POU2F1: variants seen among roughly 807,000 people sequenced by gnomAD.
POU2F1 encodes the protein POU domain, class 2, transcription factor 1.
POU2F1 carries 16 observed loss-of-function variants against 84.9 expected under a neutral mutation model. That is an observed-to-expected ratio of 0.19 (90% CI 0.13 to 0.29). POU2F1 has a LOEUF of 0.29. POU2F1 is among the 10% of genes least tolerant of loss of function. The pLI is 1.00. For synonymous variants in POU2F1, 368 were observed against 368.3 expected, an observed-to-expected ratio of 1.00 and a Z score of 0.01; for missense variants, 738 against 942.6, an observed-to-expected ratio of 0.78 and a Z score of 2.84.
intron 2 of POU2F1, among the ~76,000 whole-genome samples, chr1:167,362,193 C>G (rs1024772057): frequency 3.3e-5 from 5 of 152,196 alleles, no homozygotes; most frequent in African/African-American, 4.8e-5. Flanking sequence ...TCTTCTACTT[C>G]TCACCTCCCA....
chr1:167,329,014 A>T, intron 1 of POU2F1: 1 of 1,087,894 alleles, frequency 9.2e-7, no homozygotes, highest in Non-Finnish European at 1.1e-6. Context: ...TTGCCTTGAC[A>T]ATGTCAGTCC....
chr1:167,402,358 G>C (rs1649273746), intron 13 of POU2F1, among the ~76,000 whole-genome samples: 1 of 152,126 alleles, frequency 6.6e-6, no homozygotes, highest in Non-Finnish European at 1.5e-5. Context: ...CATGTTTTAA[G>C]TTTACAATGC....
intron 1 of POU2F1, among the ~76,000 whole-genome samples, chr1:167,308,777 C>G (rs1169106292): frequency 6.6e-6 from 1 of 152,182 alleles, no homozygotes; most frequent in African/African-American, 2.4e-5. Flanking sequence ...CCTAGGCCTC[C>G]TAAAGTGCTG....
At position 167,383,763 on chromosome 1, in the gene POU2F1, G is replaced by C. The variant is rs1218329866; in HGVS notation, c.719-94G>C. 9 of 1,113,158 alleles carry C rather than the reference G, an allele frequency of 8.1e-6. No individual in the cohort carries two copies. In the Admixed American group the frequency reaches 1.3e-4, roughly 16 times the overall value. The allele number at this position is 1,113,158 out of a possible 1,614,324, so 69.0% of individuals were successfully genotyped here. On this transcript the variant is annotated intron_variant, in intron 7 of 15. Coordinates refer to ENST00000367866, the MANE Select transcript of POU2F1 (RefSeq NM_002697.4). ...CAGTAAGACTACCAGAGATCAACTG[G>C]AAATTTTCAGCTCATTTTCTGATTC...
chr1:167,248,919 A>G (rs1274457172), intron 1 of POU2F1, among the ~76,000 whole-genome samples: 1 of 152,180 alleles, frequency 6.6e-6, no homozygotes, highest in Non-Finnish European at 1.5e-5. Flanking sequence ...ACAGAAAGAG[A>G]AAATAACTTG....
intron 9 of POU2F1, among the ~76,000 whole-genome samples, chr1:167,395,479 T>C (rs376650394): frequency 6.6e-6 from 1 of 152,316 alleles, no homozygotes; most frequent in East Asian, 1.9e-4. Context: ...AGAAAAGAGA[T>C]GATTTCTAAT....
chr1:167,311,808 AT>A (rs869066181), intron 1 of POU2F1, among the ~76,000 whole-genome samples: 1 of 132,784 alleles, frequency 7.5e-6, no homozygotes, highest in African/African-American at 2.8e-5. Flanking sequence ...TTATTTATTT[AT>A]TTTTTCTTTT....
At chr1:167,410,929 G>A (rs1192906770) in intron 13 of POU2F1, among the ~76,000 whole-genome samples, 1 of 152,074 alleles carries the variant, frequency 6.6e-6, no homozygotes, top group Non-Finnish European at 1.5e-5. Flanking sequence ...ATGTGTTTTA[G>A]TGTTTAGTAA....
chr1:167,275,030 G>GTTTTTTTTTTTTTTTT (rs1202443333), intron 1 of POU2F1, among the ~76,000 whole-genome samples: 1 of 120,756 alleles, frequency 8.3e-6, no homozygotes, highest in Non-Finnish European at 1.7e-5. Flanking sequence ...TCAAATAAAT[G>GTTTTTTTTTTTTTTTT]TATTTTTTTT....
At chr1:167,400,826 A>G (rs908538061) in intron 12 of POU2F1, among the ~76,000 whole-genome samples, 2 of 152,240 alleles carry the variant, frequency 1.3e-5, no homozygotes, top group African/African-American at 4.8e-5. Context: ...TAAGGTCAGC[A>G]TTAAAAGCAC....
chr1:167,400,943 A>G (rs1305790848), intron 12 of POU2F1, among the ~76,000 whole-genome samples: 1 of 152,228 alleles, frequency 6.6e-6, no homozygotes, highest in African/African-American at 2.4e-5. Context: ...TTTGTTTTGT[A>G]AAGGTGATGT....
At chr1:167,264,166 C>T (rs912824701) in intron 1 of POU2F1, among the ~76,000 whole-genome samples, 8 of 151,576 alleles carry the variant, frequency 5.3e-5, no homozygotes, top group Non-Finnish European at 8.8e-5. Context: ...AAAGGGAGTA[C>T]AGCTAATTTA....
chr1:167,339,975 T>C (rs575980112), intron 2 of POU2F1, among the ~76,000 whole-genome samples: 1 of 152,358 alleles, frequency 6.6e-6, no homozygotes, highest in Admixed American at 6.5e-5. Flanking sequence ...AAACATTATT[T>C]TTCTCTTTTT....
At chr1:167,384,487 T>A (rs1171060867) in intron 8 of POU2F1, among the ~76,000 whole-genome samples, 2 of 152,134 alleles carry the variant, frequency 1.3e-5, no homozygotes, top group Non-Finnish European at 2.9e-5. Context: ...TTTGAACATG[T>A]CATTTTATCT....
At chr1:167,271,094 A>G (rs1237683476) in intron 1 of POU2F1, among the ~76,000 whole-genome samples, 1 of 152,226 alleles carries the variant, frequency 6.6e-6, no homozygotes, top group African/African-American at 2.4e-5. Flanking sequence ...TTATTTAAAT[A>G]ACTTAACATT....
chr1:167,294,322 C>A (rs1460387041), intron 1 of POU2F1, among the ~76,000 whole-genome samples: 1 of 151,928 alleles, frequency 6.6e-6, no homozygotes, highest in Non-Finnish European at 1.5e-5. Flanking sequence ...GCACTCCAGC[C>A]TGGGCGACAG....
chr1:167,299,172 A>G (rs1019380722), intron 1 of POU2F1, among the ~76,000 whole-genome samples: 2 of 138,946 alleles, frequency 1.4e-5, no homozygotes, highest in Non-Finnish European at 1.6e-5. Context: ...TCAAAAAAAA[A>G]AAAAAAAAAA....
At chr1:167,367,619 TG>T (rs1442644488) in intron 3 of POU2F1, among the ~76,000 whole-genome samples, 1 of 152,186 alleles carries the variant, frequency 6.6e-6, no homozygotes, top group Non-Finnish European at 1.5e-5. Context: ...CTTTCAAATT[TG>T]TAAGAGTTAC....
chr1:167,327,099 G>A (rs1403520045), intron 1 of POU2F1, among the ~76,000 whole-genome samples: 1 of 151,932 alleles, frequency 6.6e-6, no homozygotes, highest in Non-Finnish European at 1.5e-5. Context: ...TGAAATTTGT[G>A]TTCTCTTCTA....
Sources: gnomAD v4.1 joint callset for allele counts (sites outside exome capture counted in the v4.1 genomes callset) on GRCh38, gnomAD v4.1.1 for gene constraint, MANE v1.5 for transcripts, NCBI Gene and HGNC (gene_info 2026-07-23, HGNC 2026-07-21) for gene names.